Variants in IQCM observed in about 807,000 individuals in gnomAD.
IQCM encodes the protein IQ motif containing M, also known as IQ domain-containing protein M.
A neutral mutation model predicts 57.6 loss-of-function variants in IQCM; 45 were observed. The ratio of observed to expected loss-of-function variants is 0.78; its 90% CI spans 0.62 to 1.00. The LOEUF (loss-of-function observed/expected upper bound fraction) is 1.00. Ranked by LOEUF, IQCM falls within the 50% of genes least tolerant of loss-of-function variation. The pLI is 0.00. For missense variants in IQCM, 468 were observed against 511.6 expected, an observed-to-expected ratio of 0.91 and a Z score of 0.82; for synonymous variants, 148 against 158.9, an observed-to-expected ratio of 0.93 and a Z score of 0.51.
chr4:149,538,451 G>C (rs1747521412), intron 12 of IQCM, among the ~76,000 whole-genome samples: 2 of 151,766 alleles, frequency 1.3e-5, no homozygotes, highest in Admixed American at 1.3e-4. Flanking sequence ...AAATGCAAAA[G>C]AAGGAAGTAA....
chr4:149,557,775 C>A (rs1267158649), intron 10 of IQCM, among the ~76,000 whole-genome samples: 1 of 152,154 alleles, frequency 6.6e-6, no homozygotes, highest in East Asian at 1.9e-4. Flanking sequence ...AATTAGAAAT[C>A]CACCCCCTCC....
intron 13 of IQCM, among the ~76,000 whole-genome samples, chr4:149,432,341 AT>A (rs1305227727): frequency 6.6e-6 from 1 of 151,986 alleles, no homozygotes; most frequent in Non-Finnish European, 1.5e-5. Context: ...CTCATTTGCT[AT>A]CTATATATCT....
chr4:149,461,071 C>T (rs112816415), intron 12 of IQCM, among the ~76,000 whole-genome samples: 3 of 151,948 alleles, frequency 2.0e-5, no homozygotes, highest in South Asian at 2.1e-4. Context: ...CCAGTCTCTA[C>T]TAAAAATACA....
chr4:149,575,745 C>G (rs575343877), intron 9 of IQCM, among the ~76,000 whole-genome samples: 1 of 151,806 alleles, frequency 6.6e-6, no homozygotes, highest in South Asian at 2.1e-4. Context: ...GGGTAGGATA[C>G]TTTTTACCAC....
intron 10 of IQCM, among the ~76,000 whole-genome samples, chr4:149,562,874 C>T (rs1750262686): frequency 1.3e-5 from 2 of 152,104 alleles, no homozygotes; most frequent in Non-Finnish European, 2.9e-5. Flanking sequence ...GTTCAGGATG[C>T]CCACTGCAAA....
At chr4:149,692,517 C>T (rs955454088) in intron 5 of IQCM, among the ~76,000 whole-genome samples, 3 of 152,010 alleles carry the variant, frequency 2.0e-5, no homozygotes, top group African/African-American at 7.3e-5. Flanking sequence ...CTGTTAAATA[C>T]TTTGGGTATA....
chr4:149,408,461 C>A (rs899714411), intron 13 of IQCM, among the ~76,000 whole-genome samples: 3 of 152,094 alleles, frequency 2.0e-5, no homozygotes, highest in African/African-American at 7.2e-5. Flanking sequence ...GTTTCTTTTA[C>A]CTCTGAATGC....
intron 2 of IQCM, among the ~76,000 whole-genome samples, chr4:149,746,281 TA>T (rs1251736736): frequency 5.9e-5 from 9 of 152,174 alleles, no homozygotes; most frequent in African/African-American, 2.2e-4. Context: ...GCTCAAGCCA[TA>T]AATCTTTTAT....
At chr4:149,358,161 G>T (rs562241047) in intron 13 of IQCM, among the ~76,000 whole-genome samples, 1 of 151,840 alleles carries the variant, frequency 6.6e-6, no homozygotes, top group Non-Finnish European at 1.5e-5. Flanking sequence ...TCTTGCTAGC[G>T]GTCTATCAAT....
intron 13 of IQCM, among the ~76,000 whole-genome samples, chr4:149,411,542 A>G (rs1282069840): frequency 1.3e-5 from 2 of 152,132 alleles, no homozygotes; most frequent in Admixed American, 1.3e-4. Context: ...CTTTTCAACT[A>G]TATAGAAAAA....
At chr4:149,393,950 A>G (rs954275028) in intron 13 of IQCM, among the ~76,000 whole-genome samples, 4 of 151,954 alleles carry the variant, frequency 2.6e-5, no homozygotes, top group Non-Finnish European at 2.9e-5. Flanking sequence ...CTCTAAACAA[A>G]TGTTGCATGG....
In IQCM at chr4:149,503,158, T is replaced by C. The variant is rs1346721744; in HGVS notation, c.1228+45297A>G. 2.6e-5 allele frequency among the ~76,000 whole-genome samples: 4 copies of C among 152,016 alleles called. No individual in the cohort carries two copies. In the East Asian group the frequency reaches 7.8e-4, roughly 30 times the overall value. ...ACTGCTTGAGCCCAGAAGTTCGAGG[T>C]TACAGTGAGCTATGATCATGCCACT... is the stretch of plus-strand genomic sequence containing the variant. On this transcript the variant is annotated intron_variant, in intron 12 of 13. Coordinates refer to ENST00000636793, the MANE Select transcript of IQCM (RefSeq NM_001363507.2).
At chr4:149,623,114 T>C (rs908953775) in intron 7 of IQCM, among the ~76,000 whole-genome samples, 1 of 152,168 alleles carries the variant, frequency 6.6e-6, no homozygotes, top group Admixed American at 6.5e-5. Flanking sequence ...ATTATATGTA[T>C]AAAAACATCA....
intron 5 of IQCM, among the ~76,000 whole-genome samples, chr4:149,707,494 T>C (rs1035961899): frequency 6.6e-6 from 1 of 151,972 alleles, no homozygotes; most frequent in African/African-American, 2.4e-5. Flanking sequence ...CTTTGCTCTC[T>C]ATCCAGGCAT....
At chr4:149,520,172 A>G (rs1452088508) in intron 12 of IQCM, among the ~76,000 whole-genome samples, 1 of 151,546 alleles carries the variant, frequency 6.6e-6, no homozygotes. Flanking sequence ...TACTTTCTGT[A>G]TATTAATTTT....
intron 7 of IQCM, among the ~76,000 whole-genome samples, chr4:149,675,531 C>G (rs1761678112): frequency 6.6e-6 from 1 of 151,936 alleles, no homozygotes; most frequent in Non-Finnish European, 1.5e-5. Context: ...TTTTTGCTGG[C>G]TATGAATTCA....
chr4:149,683,562 G>C (rs145168997), intron 6 of IQCM, among the ~76,000 whole-genome samples: 4 of 151,274 alleles, frequency 2.6e-5, no homozygotes, highest in African/African-American at 4.8e-5. Flanking sequence ...AGAGAAAATA[G>C]AGAGACGTGA....
At chr4:149,412,965 T>A (rs1733494173) in intron 13 of IQCM, among the ~76,000 whole-genome samples, 1 of 152,096 alleles carries the variant, frequency 6.6e-6, no homozygotes, top group Non-Finnish European at 1.5e-5. Context: ...GATCAGACTG[T>A]GAAGGAGTCT....
chr4:149,793,699 T>C (rs916179848), intron 2 of IQCM: 13 of 152,104 alleles, frequency 8.5e-5, no homozygotes, highest in Non-Finnish European at 8.8e-5. Context: ...CTGTCCAGCA[T>C]TCAGTCCATG....
Sources: allele counts gnomAD v4.1 joint callset (sites outside exome capture counted in the v4.1 genomes callset), GRCh38; gene constraint gnomAD v4.1.1; transcripts MANE v1.5; gene names NCBI Gene and HGNC (gene_info 2026-07-23, HGNC 2026-07-21).